The following SLC4A10 variants were observed in gnomAD, a reference collection of about 807,000 sequenced individuals.
SLC4A10 encodes sodium-driven chloride bicarbonate exchanger.
In SLC4A10, 42 loss-of-function variants were observed where a neutral mutation model predicts 137.7. That is an observed-to-expected ratio of 0.30 (90% CI 0.24 to 0.39). The LOEUF is 0.39. Among genes scored for constraint, SLC4A10 ranks in the 10% least tolerant of loss-of-function variants. The pLI, the probability that SLC4A10 is intolerant of heterozygous loss-of-function variation, is 1.00. For missense variants in SLC4A10, 925 were observed against 1,355.0 expected (o/e 0.68, Z 4.98); for synonymous variants, 474 against 464.1 (o/e 1.02, Z -0.27).
chr2:161,841,138 C>T (rs548984880), intron 4 of SLC4A10, among the ~76,000 whole-genome samples: 2 of 152,026 alleles, frequency 1.3e-5, no homozygotes, highest in South Asian at 2.1e-4. Flanking sequence ...AGTGCAGTGA[C>T]GAGATCTTGG....
At chr2:161,806,058 G>A (rs187121704) in intron 3 of SLC4A10, among the ~76,000 whole-genome samples, 399 of 152,198 alleles carry the variant, frequency 2.6e-3, no homozygotes, top group African/African-American at 9.1e-3. Flanking sequence ...CTTGACTTCC[G>A]TACACCTGCA....
chr2:161,703,268 T>C (rs1202058337), intron 1 of SLC4A10, among the ~76,000 whole-genome samples: 1 of 151,542 alleles, frequency 6.6e-6, no homozygotes, highest in Non-Finnish European at 1.5e-5. Flanking sequence ...ATGGAAAAAA[T>C]GGGAAAGTCA....
intron 1 of SLC4A10, among the ~76,000 whole-genome samples, chr2:161,638,902 C>T (rs1330518299): frequency 6.7e-6 from 1 of 149,326 alleles, no homozygotes. Context: ...TTGAGCTAGA[C>T]CAATTAAGAA....
intron 1 of SLC4A10, among the ~76,000 whole-genome samples, chr2:161,692,172 T>C (rs1375059146): frequency 1.3e-5 from 2 of 152,132 alleles, no homozygotes; most frequent in African/African-American, 4.8e-5. Context: ...GAGGGACTTG[T>C]AAGCATATGG....
chr2:161,974,435 A>G (rs1373110226), intron 24 of SLC4A10, 119 bp downstream of exon 24: 1 of 778,752 alleles, frequency 1.3e-6, no homozygotes, highest in East Asian at 3.0e-5. Flanking sequence ...TAAGAGTAGA[A>G]AGAACGAAGA....
At chr2:161,964,475 A>G (rs1316435034) in intron 22 of SLC4A10, among the ~76,000 whole-genome samples, 167 bp downstream of exon 22, 1 of 152,190 alleles carries the variant, frequency 6.6e-6, no homozygotes, top group African/African-American at 2.4e-5. Flanking sequence ...AAGAATGCCT[A>G]TGAATTTCAG....
chr2:161,745,005 A>AT (rs776320141), intron 1 of SLC4A10, among the ~76,000 whole-genome samples: 37 of 151,956 alleles, frequency 2.4e-4, no homozygotes, highest in Non-Finnish European at 4.7e-4. Context: ...CCCTTTAGTA[A>AT]TTTTTTGCAT....
At chr2:161,692,017 G>A (rs1214394399) in intron 1 of SLC4A10, among the ~76,000 whole-genome samples, 2 of 152,048 alleles carry the variant, frequency 1.3e-5, no homozygotes, top group Non-Finnish European at 2.9e-5. Context: ...TAATAACATG[G>A]AGCTTTAGAG....
chr2:161,973,677 T>G (rs1247567091), intron 23 of SLC4A10, among the ~76,000 whole-genome samples: 1 of 152,152 alleles, frequency 6.6e-6, no homozygotes, highest in Non-Finnish European at 1.5e-5. Flanking sequence ...AGAGTAGTGG[T>G]TCTTTAAATA....
At chr2:161,809,356 C>T (rs1341609617) in intron 3 of SLC4A10, among the ~76,000 whole-genome samples, 4 of 152,022 alleles carry the variant, frequency 2.6e-5, no homozygotes, top group African/African-American at 9.7e-5. Context: ...TTGAGATTTG[C>T]TGTGCAGAGG....
chr2:161,876,138 G>A (rs187940229), intron 8 of SLC4A10, among the ~76,000 whole-genome samples: 1 of 152,172 alleles, frequency 6.6e-6, no homozygotes, highest in Non-Finnish European at 1.5e-5. Context: ...GGTGAGGTCT[G>A]GGCAGCCCAG....
intron 15 of SLC4A10, among the ~76,000 whole-genome samples, chr2:161,931,841 T>C (rs1029739965): frequency 2.6e-5 from 4 of 152,216 alleles, no homozygotes; most frequent in African/African-American, 9.6e-5. Flanking sequence ...AAAGAACTAA[T>C]GTGTTTGTTC....
At chr2:161,920,474 T>C (rs368182149) in intron 15 of SLC4A10, among the ~76,000 whole-genome samples, 1 of 152,194 alleles carries the variant, frequency 6.6e-6, no homozygotes, top group East Asian at 1.9e-4. Flanking sequence ...ACCAAACTTA[T>C]AGTACTTAAA....
At chr2:161,850,085 A>T (rs2059742325) in intron 4 of SLC4A10, among the ~76,000 whole-genome samples, 1 of 152,034 alleles carries the variant, frequency 6.6e-6, no homozygotes. Flanking sequence ...TGGTGTGTTC[A>T]TGGTTTCAAT....
chr2:161,793,913 A>G (rs1238309400), intron 2 of SLC4A10, among the ~76,000 whole-genome samples: 2 of 152,158 alleles, frequency 1.3e-5, no homozygotes, highest in Non-Finnish European at 2.9e-5. Context: ...TGTTTCCTGT[A>G]ATGATAATTG....
At position 161,736,013 on chromosome 2, in the gene SLC4A10, A is replaced by G. The variant is rs114646034; in HGVS notation, c.49-34960A>G. 8.2e-3 allele frequency among the ~76,000 whole-genome samples: 1,239 copies of G among 150,902 alleles called. 13 individuals are homozygous for G. The highest frequency in any genetic ancestry group is 0.029 in the African/African-American group (1,172 of 40,356). The stretch of plus-strand genomic sequence containing the variant: ...TTGAAGTCATTTGTATTTCGTCATA[A>G]TAACAATTTAAAACTAGCTTTATTT... On this transcript the variant is annotated intron_variant, in intron 1 of 26. Coordinates refer to ENST00000446997, the MANE Select transcript of SLC4A10 (RefSeq NM_001178015.2).
chr2:161,687,473 T>G (rs1199718241), intron 1 of SLC4A10, among the ~76,000 whole-genome samples: 1 of 152,210 alleles, frequency 6.6e-6, no homozygotes, highest in Non-Finnish European at 1.5e-5. Context: ...CACAGCGTAA[T>G]TCAGCCAATG....
intron 3 of SLC4A10, among the ~76,000 whole-genome samples, chr2:161,821,769 G>C (rs1559328607): frequency 6.6e-6 from 1 of 152,108 alleles, no homozygotes; most frequent in Non-Finnish European, 1.5e-5. Context: ...AAAATTTACT[G>C]TATTGAAACA....
At chr2:161,882,721 GC>G (rs1412361803) in intron 10 of SLC4A10, among the ~76,000 whole-genome samples, 1 of 151,986 alleles carries the variant, frequency 6.6e-6, no homozygotes, top group Non-Finnish European at 1.5e-5. Flanking sequence ...TGGTATATGT[GC>G]TACCAAAGTA....
Sources: gnomAD v4.1 joint callset for allele counts (sites outside exome capture counted in the v4.1 genomes callset) on GRCh38, gnomAD v4.1.1 for gene constraint, MANE v1.5 for transcripts, NCBI Gene and HGNC (gene_info 2026-07-23, HGNC 2026-07-21) for gene names.